PDE1A: variants seen among roughly 807,000 people sequenced by gnomAD.
PDE1A encodes dual specificity calcium/calmodulin-dependent 3',5'-cyclic nucleotide phosphodiesterase 1A.
A neutral mutation model predicts 61.7 loss-of-function variants in PDE1A; 35 were observed. That is an observed-to-expected ratio of 0.57 (90% CI 0.43 to 0.75). The LOEUF is 0.75. Ranked by LOEUF, PDE1A falls within the 30% of genes least tolerant of loss-of-function variation. PDE1A has a pLI of 0.00. For synonymous variants in PDE1A, 232 were observed against 213.2 expected (o/e 1.09, Z -0.77); for missense variants, 597 against 630.6 (o/e 0.95, Z 0.57).
intron 2 of PDE1A, among the ~76,000 whole-genome samples, chr2:182,497,027 A>T (rs1688756816): frequency 6.6e-6 from 1 of 152,202 alleles, no homozygotes; most frequent in South Asian, 2.1e-4. Context: ...ATATGGTCTT[A>T]CTTCACAGAG....
chr2:182,203,682 T>G (rs1398597468), intron 8 of PDE1A, among the ~76,000 whole-genome samples: 1 of 152,112 alleles, frequency 6.6e-6, no homozygotes, highest in Admixed American at 6.6e-5. Context: ...TGTCAATAAT[T>G]AGGCAAAATA....
chr2:182,372,662 GA>G (rs1700181801), intron 1 of PDE1A, among the ~76,000 whole-genome samples: 1 of 152,196 alleles, frequency 6.6e-6, no homozygotes, highest in South Asian at 2.1e-4. Flanking sequence ...CAATGTTTAA[GA>G]GGGTGCTATG....
At chr2:182,380,579 A>G (rs1012066512) in intron 1 of PDE1A, among the ~76,000 whole-genome samples, 1 of 152,202 alleles carries the variant, frequency 6.6e-6, no homozygotes, top group Non-Finnish European at 1.5e-5. Context: ...TTTATCTTCA[A>G]TGGATCTTTT....
the PDE1A span, among the ~76,000 whole-genome samples, chr2:182,561,575 T>C: frequency 6.6e-6 from 1 of 152,304 alleles, no homozygotes; most frequent in African/African-American, 2.4e-5. Flanking sequence ...TAAAGTAGTT[T>C]TTTCCAATTC....
chr2:182,676,364 G>A, the PDE1A span, among the ~76,000 whole-genome samples: 2 of 151,996 alleles, frequency 1.3e-5, no homozygotes, highest in South Asian at 4.2e-4. Context: ...ACTGAACCAG[G>A]GAGAAACTGA....
At chr2:182,637,644 G>C in the PDE1A span, among the ~76,000 whole-genome samples, 1 of 152,102 alleles carries the variant, frequency 6.6e-6, no homozygotes, top group Non-Finnish European at 1.5e-5. Context: ...AAGTCAGGCC[G>C]GGCACTGTGG....
the PDE1A span, among the ~76,000 whole-genome samples, chr2:182,700,731 A>AAAAAAAAAAAAAAAAAC: frequency 7.0e-6 from 1 of 143,862 alleles, no homozygotes; most frequent in Non-Finnish European, 1.5e-5. Context: ...CAAAAAAAAA[A>AAAAAAAAAAAAAAAAAC]AAAAAAAAAC....
intron 1 of PDE1A, among the ~76,000 whole-genome samples, chr2:182,354,741 T>C (rs2125123835): frequency 6.6e-6 from 1 of 152,274 alleles, no homozygotes; most frequent in East Asian, 1.9e-4. Flanking sequence ...ATTTAATAAA[T>C]AGGTTATATG....
intron 1 of PDE1A, among the ~76,000 whole-genome samples, chr2:182,316,586 A>G (rs577689542): frequency 1.6e-4 from 24 of 152,282 alleles, no homozygotes; most frequent in African/African-American, 5.8e-4. Flanking sequence ...TTGTAAAAAT[A>G]TTGTTGGTGT....
At chr2:182,640,171 G>A in the PDE1A span, among the ~76,000 whole-genome samples, 1 of 152,204 alleles carries the variant, frequency 6.6e-6, no homozygotes. Flanking sequence ...ATTCAAGTGT[G>A]AAGGTTGTGT....
At chr2:182,333,501 A>C (rs1697567170) in intron 1 of PDE1A, among the ~76,000 whole-genome samples, 1 of 152,200 alleles carries the variant, frequency 6.6e-6, no homozygotes, top group African/African-American at 2.4e-5. Flanking sequence ...AACGAAATTA[A>C]GGCAGAAATA....
chr2:182,256,465 G>A (rs1691825342), intron 2 of PDE1A, among the ~76,000 whole-genome samples: 1 of 152,006 alleles, frequency 6.6e-6, no homozygotes, highest in East Asian at 1.9e-4. Flanking sequence ...GATTCCTCAG[G>A]GATCTAGAAC....
intron 2 of PDE1A, among the ~76,000 whole-genome samples, chr2:182,456,223 T>A (rs778071501): frequency 7.2e-5 from 11 of 152,022 alleles, no homozygotes; most frequent in Non-Finnish European, 1.6e-4. Flanking sequence ...AGGGAACTTA[T>A]CAGCCATGCA....
chr2:182,478,140 C>T (rs941395810), intron 2 of PDE1A, among the ~76,000 whole-genome samples: 7 of 151,720 alleles, frequency 4.6e-5, no homozygotes, highest in African/African-American at 9.7e-5. Flanking sequence ...TTTTTTGTTT[C>T]TTTGATGAGT....
chr2:182,284,175 G>A (rs1458457146), intron 1 of PDE1A, among the ~76,000 whole-genome samples: 3 of 152,114 alleles, frequency 2.0e-5, no homozygotes, highest in Non-Finnish European at 4.4e-5. Context: ...AGGCTGCATT[G>A]TCCATGATTT....
At chr2:182,387,854 A>C (rs541327866) in intron 1 of PDE1A, among the ~76,000 whole-genome samples, 36 of 152,338 alleles carry the variant, frequency 2.4e-4, no homozygotes, top group African/African-American at 8.7e-4. Context: ...AATTACCTTG[A>C]ATGTAAATGT....
At chr2:182,679,768 G>A in the PDE1A span, among the ~76,000 whole-genome samples, 1 of 152,080 alleles carries the variant, frequency 6.6e-6, no homozygotes, top group East Asian at 1.9e-4. Context: ...TTAATTCACA[G>A]ATCTAATGTG....
intron 7 of PDE1A, among the ~76,000 whole-genome samples, chr2:182,215,395 A>G (rs1688071766): frequency 7.2e-6 from 1 of 138,032 alleles, no homozygotes; most frequent in Non-Finnish European, 1.6e-5. Context: ...AGCTAGCAGA[A>G]GGCAAGAAAT....
intron 2 of PDE1A, among the ~76,000 whole-genome samples, chr2:182,494,661 A>T (rs1688599050): frequency 6.6e-6 from 1 of 152,072 alleles, no homozygotes; most frequent in Non-Finnish European, 1.5e-5. Flanking sequence ...AAAATGCCCA[A>T]CGACCAATGT....
Sources: gnomAD v4.1 joint callset for allele counts (sites outside exome capture counted in the v4.1 genomes callset) on GRCh38, gnomAD v4.1.1 for gene constraint, MANE v1.5 for transcripts, NCBI Gene and HGNC (gene_info 2026-07-23, HGNC 2026-07-21) for gene names.